SERINC4: variants seen among roughly 807,000 people sequenced by gnomAD.
SERINC4 encodes the protein serine incorporator 4.
Under a neutral mutation model 52.0 loss-of-function variants are expected in SERINC4, and 52 were observed. The observed-to-expected ratio is 1.00, with a 90% CI of 0.80 to 1.26. SERINC4 has a LOEUF of 1.26. Among genes scored for constraint, SERINC4 ranks in the 50% most tolerant of loss-of-function variants. SERINC4 has a pLI of 0.00. For missense variants in SERINC4, 723 were observed against 632.8 expected, an observed-to-expected ratio of 1.14 and a Z score of -1.53; for synonymous variants, 264 against 247.7, an observed-to-expected ratio of 1.07 and a Z score of -0.62.
chr15:43,798,662 C>A, intron 3 of SERINC4, 158 bp from the exon 4 acceptor site: 1 of 647,442 alleles, frequency 1.5e-6, no homozygotes, highest in Non-Finnish European at 2.8e-6. Context: ...GGGGTTGGGA[C>A]AGGCCTACTG....
chr15:43,795,983 TAAATG>T, intron 9 of SERINC4, 167 bp downstream of exon 9: 4 of 652,944 alleles, frequency 6.1e-6, no homozygotes, highest in Non-Finnish European at 1.1e-5. Flanking sequence ...AGGGTTAAAT[TAAATG>T]AGATTATGTA....
chr15:43,795,776 A>G, intron 9 of SERINC4, 40 bp from the exon 10 acceptor site: 1 of 1,597,846 alleles, frequency 6.3e-7, no homozygotes, highest in Non-Finnish European at 8.6e-7. Context: ...GTCTTAAAAG[A>G]TGTGAGGGTG....
rs16964249 is a variant in SERINC4, at chr15:43,794,208, A to G, written c.*792T>C. On this transcript the variant is annotated 3_prime_UTR_variant, in exon 12 of 12. Coordinates refer to ENST00000319327, the MANE Select transcript of SERINC4 (RefSeq NM_001258031.2). ...AGCCTTTATTATACAATGACAACCAAACAAGTACTCCGGATATGCAGTAGA... is the reference window on the plus strand; with the variant it reads ...AGCCTTTATTATACAATGACAACCAGACAAGTACTCCGGATATGCAGTAGA... 825 of 498,074 alleles carry G rather than the reference A, an allele frequency of 1.7e-3. 8 individuals carry two copies. The highest frequency in any genetic ancestry group is 0.014 in the African/African-American group (732 of 51,664). The allele number at this position is 498,074 out of a possible 1,614,324, so 30.9% of individuals were successfully genotyped here.
chr15:43,798,151 G>C, intron 4 of SERINC4, 138 bp from the exon 5 acceptor site: 1 of 657,546 alleles, frequency 1.5e-6, no homozygotes, highest in Non-Finnish European at 2.7e-6. Context: ...CCGGGTTCAA[G>C]TGATTCTTCT....
chr15:43,799,502 A>C lies in SERINC4; in HGVS notation c.103-16T>G, dbSNP rs1417358506. The C allele has an allele frequency of 6.4e-7, 1 of 1,550,880 alleles. No homozygotes were observed. The highest frequency in any genetic ancestry group is 1.4e-5 in the African/African-American group (1 of 73,174). ...AGCAGCACACCTGGGAGTAGAGCAGATGCAAGGCAGCGAGGTGGAGACTTG... is the reference window on the plus strand; with the variant it reads ...AGCAGCACACCTGGGAGTAGAGCAGCTGCAAGGCAGCGAGGTGGAGACTTG... On this transcript the variant is annotated splice_polypyrimidine_tract_variant and intron_variant, in intron 1 of 11. Coordinates refer to ENST00000319327, the MANE Select transcript of SERINC4 (RefSeq NM_001258031.2).
chr15:43,799,489 G>T lies in SERINC4; in HGVS notation c.103-3C>A. On this transcript the variant is annotated splice_region_variant and splice_polypyrimidine_tract_variant and intron_variant, in intron 1 of 11. Transcript: ENST00000319327. ...GGAGCAGGCCCACAGCAGCACACCT[G>T]GGAGTAGAGCAGATGCAAGGCAGCG... 6.4e-7 allele frequency: 1 copy of T among 1,550,816 alleles called. No homozygotes were observed. The highest frequency in any genetic ancestry group is 8.7e-7 in the Non-Finnish European group (1 of 1,147,034).
rs774722898 is a variant in SERINC4 at position 43,798,002 on chromosome 15, T to C, written c.550A>G (p.Ile184Val). 12 of 1,612,592 alleles carry C rather than the reference T, an allele frequency of 7.4e-6. No homozygotes were observed. Among genetic ancestry groups the C allele is most frequent in the Non-Finnish European group, 8.5e-6 (10 of 1,178,952 alleles). Residue 184 changes from isoleucine to valine, a missense_variant, in exon 5 of 12, where the codon ATT becomes GTT. Coordinates refer to ENST00000319327, the MANE Select transcript of SERINC4 (RefSeq NM_001258031.2). ...AATGCAAAGCCTCCACAGATGCCAATGTAATGCCATGCTGCAAGATGGGCA... is the reference window on the plus strand; with the variant it reads ...AATGCAAAGCCTCCACAGATGCCAACGTAATGCCATGCTGCAAGATGGGCA... ...DEHLFPAWHY[I>V]GICGGFAFIL...
chr15:43,796,047 GTAACAGCAGCTA>G (rs1294995402), intron 9 of SERINC4, 96 bp downstream of exon 9: 1 of 825,630 alleles, frequency 1.2e-6, no homozygotes, highest in East Asian at 2.4e-5. Context: ...TCAATAAAAG[GTAACAGCAGCTA>G]TAATCTGAGC....
rs758510754 is a variant in SERINC4, at chr15:43,796,953, TATA to T, written c.845-16_845-14del. ...GAGCGGGGTTGCTCTGGGGAGTAAG[TATA>T]ATTGCTTTAGTCTACAGGCTGGTAA... On this transcript the variant is annotated splice_polypyrimidine_tract_variant and intron_variant, in intron 6 of 11. Transcript: ENST00000319327. The T allele has an allele frequency of 5.6e-6, 9 of 1,603,430 alleles. No homozygotes were observed. The African/African-American group carries it at 1.2e-4, about 21-fold the overall frequency.
chr15:43,799,687 A>G (rs1194388236), intron 1 of SERINC4, 198 bp downstream of exon 1: 1 of 820,256 alleles, frequency 1.2e-6, no homozygotes, highest in Non-Finnish European at 2.1e-6. Context: ...GGCTTTCATT[A>G]TAAGCAGGCT....
intron 2 of SERINC4, 73 bp downstream of exon 2, chr15:43,799,237 C>T: frequency 2.0e-6 from 3 of 1,516,216 alleles, no homozygotes; most frequent in Non-Finnish European, 2.7e-6. Flanking sequence ...CTGCCCCCAA[C>T]CGAAACCTTT....
chr15:43,796,038 CAATA>C, intron 9 of SERINC4, 113 bp downstream of exon 9: 2 of 787,700 alleles, frequency 2.5e-6, no homozygotes, highest in Non-Finnish European at 2.2e-6. Flanking sequence ...TGTGGGTACT[CAATA>C]AAAGGTAACA....
Position 43,799,308 on chromosome 15 carries a change from A to AC in SERINC4, c.279+1dup. 1 of 1,550,262 alleles carries AC rather than the reference A, an allele frequency of 6.5e-7. No homozygotes were observed. The highest frequency in any genetic ancestry group is 8.7e-7 in the Non-Finnish European group (1 of 1,146,654). On this transcript the variant is annotated splice_donor_variant, in intron 2 of 11. Transcript: ENST00000319327. LOFTEE classifies it high-confidence loss of function. ...CTGACAACCCGACCCCCTCTCACTT[A>AC]CCCTGTGTGTCTTGCCCCACACCCT...
At position 43,797,362 on chromosome 15, in the gene SERINC4, G is replaced by A; in HGVS notation, c.633-6C>T. The A allele has an allele frequency of 5.2e-6, 8 of 1,546,278 alleles. No homozygotes were observed. The highest frequency in any genetic ancestry group is 7.0e-6 in the Non-Finnish European group (8 of 1,145,816). ...CTTGAGCTGCACCTGTCTGCCTAAG[G>A]GTGGAAAGTGGGCAATGGCTTGGAG... On this transcript the variant is annotated splice_region_variant and splice_polypyrimidine_tract_variant and intron_variant, in intron 5 of 11. Transcript: ENST00000319327.
chr15:43,796,918 T>C lies in SERINC4; in HGVS notation c.867A>G (p.Leu289=). ...IRLKQPRSGL[L]QASVISCYIM... is the part of the protein sequence containing the mutation. ...TATAGCAGCTGATGACAGAAGCTTG[T>C]AGGAGGCCAGAGCGGGGTTGCTCTG... Residue 289 remains leucine (L), a synonymous_variant, in exon 7 of 12, where the codon CTA becomes CTG. Coordinates refer to ENST00000319327, the MANE Select transcript of SERINC4 (RefSeq NM_001258031.2). The C allele has an allele frequency of 1.2e-6, 2 of 1,613,940 alleles. No individual in the cohort carries two copies. The highest frequency in any genetic ancestry group is 1.7e-6 in the Non-Finnish European group (2 of 1,179,904).
chr15:43,795,624 T>A lies in SERINC4; in HGVS notation c.1189+64A>T. 2.5e-6 allele frequency: 4 copies of A among 1,611,030 alleles called. No homozygotes were observed. The South Asian group carries it at 4.4e-5, about 18-fold the overall frequency. ...CCCCAACTACCTTTGTTAAGGCTCT[T>A]GAGGGTTCTTATGGCACTCCACAGA... On this transcript the variant is annotated intron_variant, in intron 10 of 11. Coordinates refer to ENST00000319327, the MANE Select transcript of SERINC4 (RefSeq NM_001258031.2).
At chr15:43,798,049 GTTAC>G (rs1420100508) in intron 4 of SERINC4, 36 bp from the exon 5 acceptor site, 6 of 1,452,854 alleles carry the variant, frequency 4.1e-6, no homozygotes, top group Non-Finnish European at 5.7e-6. Context: ...ATGTCAAATT[GTTAC>G]TTTTTTTTTT....
chr15:43,796,280 G>T, intron 8 of SERINC4, 53 bp from the exon 9 acceptor site: 1 of 1,385,730 alleles, frequency 7.2e-7, no homozygotes. Flanking sequence ...GATTATCTGG[G>T]GGCATTTACT....
chr15:43,799,994 C>T lies in SERINC4; in HGVS notation c.-8G>A. Reference sequence around the variant, plus strand: ...GGCCTTGGCACCCACCATCCTTGTCCCAGGGATTAGGCTTAGGTCCACCAG... The same window carrying T: ...GGCCTTGGCACCCACCATCCTTGTCTCAGGGATTAGGCTTAGGTCCACCAG... On this transcript the variant is annotated 5_prime_UTR_variant, in exon 1 of 12. Transcript: ENST00000319327. 1 of 1,525,854 alleles carries T rather than the reference C, an allele frequency of 6.6e-7. No individual in the cohort carries two copies. Among genetic ancestry groups the T allele is most frequent in the Non-Finnish European group, 8.8e-7 (1 of 1,137,302 alleles). 94.5% of individuals were successfully genotyped at this position (1,525,854 alleles called of 1,614,324 possible).
Sources: gnomAD v4.1 joint callset for allele counts on GRCh38, gnomAD v4.1.1 for gene constraint, MANE v1.5 for transcripts, NCBI Gene and HGNC (gene_info 2026-07-23, HGNC 2026-07-21) for gene names.